Variants in PDZRN3 observed in about 807,000 individuals in gnomAD.
PDZRN3 encodes E3 ubiquitin-protein ligase PDZRN3.
Under a neutral mutation model 85.7 loss-of-function variants are expected in PDZRN3, and 38 were observed. That is an observed-to-expected ratio of 0.44 (90% CI 0.34 to 0.58). The LOEUF (loss-of-function observed/expected upper bound fraction) is 0.58. Among genes scored for constraint, PDZRN3 ranks in the 20% least tolerant of loss-of-function variants. PDZRN3 has a pLI of 0.01. For synonymous variants in PDZRN3, 759 were observed against 638.0 expected, an observed-to-expected ratio of 1.19 and a Z score of -2.86; for missense variants, 1,629 against 1,506.4, an observed-to-expected ratio of 1.08 and a Z score of -1.35.
intron 3 of PDZRN3, among the ~76,000 whole-genome samples, chr3:73,458,426 C>T (rs942915925): frequency 1.3e-5 from 2 of 151,698 alleles, no homozygotes; most frequent in African/African-American, 4.9e-5. Flanking sequence ...ACTCCCTGTG[C>T]ACAGATCCTA....
intron 3 of PDZRN3, among the ~76,000 whole-genome samples, chr3:73,554,691 A>G (rs920010290): frequency 2.0e-5 from 3 of 152,188 alleles, no homozygotes; most frequent in African/African-American, 4.8e-5. Flanking sequence ...AATAAGCCAA[A>G]TTCCACAATT....
chr3:73,448,942 A>G (rs1259646939), intron 3 of PDZRN3, among the ~76,000 whole-genome samples: 3 of 152,168 alleles, frequency 2.0e-5, no homozygotes, highest in African/African-American at 4.8e-5. Context: ...CAAACCTTCT[A>G]TTTCTCACTG....
chr3:73,431,518 C>T (rs1489430993), intron 3 of PDZRN3, among the ~76,000 whole-genome samples: 1 of 152,172 alleles, frequency 6.6e-6, no homozygotes, highest in African/African-American at 2.4e-5. Flanking sequence ...TTTCTCTGCC[C>T]TAATAAGGCT....
chr3:73,443,116 A>G (rs945010309), intron 3 of PDZRN3, among the ~76,000 whole-genome samples: 2 of 152,150 alleles, frequency 1.3e-5, no homozygotes, highest in Non-Finnish European at 2.9e-5. Flanking sequence ...GGTGGAAATA[A>G]AAACCTCACC....
chr3:73,390,895 G>T (rs967842215), intron 6 of PDZRN3, 123 bp downstream of exon 6: 9 of 672,712 alleles, frequency 1.3e-5, no homozygotes, highest in Admixed American at 2.3e-5. Flanking sequence ...TGATGAGGGG[G>T]ACAGAATAAT....
intron 3 of PDZRN3, among the ~76,000 whole-genome samples, chr3:73,498,699 C>T (rs753578936): frequency 7.2e-5 from 11 of 152,118 alleles, no homozygotes; most frequent in African/African-American, 2.7e-4. Context: ...ATTCTCCTGC[C>T]CCAGCCTCCT....
At chr3:73,533,732 C>T (rs1315799780) in intron 3 of PDZRN3, among the ~76,000 whole-genome samples, 1 of 152,082 alleles carries the variant, frequency 6.6e-6, no homozygotes, top group Non-Finnish European at 1.5e-5. Flanking sequence ...ATAAGAAACC[C>T]AGGATAGAGA....
rs1013396504 is a variant in PDZRN3, at chr3:73,569,034, G to GA, written c.918+33319dup. The GA allele has an allele frequency of 1.7e-5, 8 of 466,208 alleles. No individual in the cohort carries two copies. The Admixed American group carries it at 2.2e-4, about 13-fold the overall frequency. 28.9% of individuals were successfully genotyped at this position (466,208 alleles called of 1,614,324 possible). On this transcript the variant is annotated intron_variant, in intron 3 of 9. Transcript: ENST00000263666. The stretch of plus-strand genomic sequence containing the variant: ...GGTATCATTATTCCCATTTCTAGAT[G>GA]AAAAAACTGAGGTCCTATGAAGTAA...
chr3:73,405,148 C>T (rs1701827839), intron 3 of PDZRN3, among the ~76,000 whole-genome samples: 1 of 152,182 alleles, frequency 6.6e-6, no homozygotes, highest in African/African-American at 2.4e-5. Context: ...AGATCATCTC[C>T]CTCCCTAGAG....
At position 73,598,781 on chromosome 3, in the gene PDZRN3, G is replaced by A. The variant is rs186632814; in HGVS notation, c.918+3573C>T. On this transcript the variant is annotated intron_variant, in intron 3 of 9. Coordinates refer to ENST00000263666, the MANE Select transcript of PDZRN3 (RefSeq NM_015009.3). ...GGACATCATGTAGGCAGTCTAGCTG[G>A]AAGAAAGGGATGTTGACATCTCTGT... Among the ~76,000 whole-genome samples the A allele has an allele frequency of 2.0e-3, 301 of 152,232 alleles. 2 individuals carry two copies. The highest frequency in any genetic ancestry group is 6.8e-3 in the Middle Eastern group (2 of 292).
intron 5 of PDZRN3, among the ~76,000 whole-genome samples, chr3:73,397,564 T>C (rs3845874): frequency 0.76 from 115,474 of 152,202 alleles, 44,398 homozygotes; most frequent in African/African-American, 0.88. Flanking sequence ...TTAACCTTCT[T>C]GAACTGACTG....
intron 3 of PDZRN3, among the ~76,000 whole-genome samples, chr3:73,491,260 A>G (rs184946506): frequency 2.3e-4 from 35 of 152,186 alleles, no homozygotes; most frequent in African/African-American, 7.7e-4. Flanking sequence ...GTGTACTAAG[A>G]TTAGCCTATA....
At chr3:73,527,883 C>A (rs959761472) in intron 3 of PDZRN3, among the ~76,000 whole-genome samples, 1 of 152,138 alleles carries the variant, frequency 6.6e-6, no homozygotes, top group Admixed American at 6.5e-5. Context: ...AAATAAACCC[C>A]TATTTACTCG....
At chr3:73,561,369 T>A (rs1701811090) in intron 3 of PDZRN3, 1 of 152,202 alleles carries the variant, frequency 6.6e-6, no homozygotes, top group South Asian at 2.1e-4. Flanking sequence ...GCAAGCTGCA[T>A]TTTTGTCCAG....
intron 3 of PDZRN3, among the ~76,000 whole-genome samples, chr3:73,554,353 G>GAC (rs35130068): frequency 0.048 from 7,131 of 147,602 alleles, 150 homozygotes; most frequent in Non-Finnish European, 0.056. Flanking sequence ...GTTGAGAGAA[G>GAC]ACACACACAC....
chr3:73,449,800 C>T (rs562705375), intron 3 of PDZRN3, among the ~76,000 whole-genome samples: 3 of 152,254 alleles, frequency 2.0e-5, no homozygotes, highest in South Asian at 4.1e-4. Flanking sequence ...ATATTGCCTC[C>T]CTTAAATTGA....
intron 3 of PDZRN3, among the ~76,000 whole-genome samples, chr3:73,599,768 C>T (rs193025837): frequency 6.6e-6 from 1 of 152,322 alleles, no homozygotes; most frequent in Admixed American, 6.5e-5. Context: ...GCGCCTGGGC[C>T]ACCAGCAGAT....
intron 2 of PDZRN3, among the ~76,000 whole-genome samples, chr3:73,604,488 G>A (rs111417896): frequency 4.9e-4 from 74 of 152,220 alleles, no homozygotes; most frequent in African/African-American, 1.6e-3. Flanking sequence ...GAGGCGAAGC[G>A]GATCCTCTTG....
At chr3:73,437,854 T>G (rs1413339072) in intron 3 of PDZRN3, among the ~76,000 whole-genome samples, 2 of 152,176 alleles carry the variant, frequency 1.3e-5, no homozygotes, top group Admixed American at 6.5e-5. Context: ...ACCTGCTTGA[T>G]GATACACACC....
Sources: allele counts gnomAD v4.1 joint callset (sites outside exome capture counted in the v4.1 genomes callset), GRCh38; gene constraint gnomAD v4.1.1; transcripts MANE v1.5; gene names NCBI Gene and HGNC (gene_info 2026-07-23, HGNC 2026-07-21).